Variants in RARRES1 observed in about 807,000 individuals in gnomAD.
RARRES1 encodes retinoic acid receptor responder protein 1.
Under a neutral mutation model 30.6 loss-of-function variants are expected in RARRES1, and 34 were observed. That is an observed-to-expected ratio of 1.11 (90% CI 0.84 to 1.48). The LOEUF (loss-of-function observed/expected upper bound fraction) is 1.48. Among genes scored for constraint, RARRES1 ranks in the 40% most tolerant of loss-of-function variants. The probability of loss-of-function intolerance (pLI) is 0.00; values close to 1 mark genes in which losing one functional copy is unlikely to be tolerated. For synonymous variants in RARRES1, 153 were observed against 155.5 expected (o/e 0.98, Z 0.12); for missense variants, 373 against 386.5 (o/e 0.97, Z 0.29).
At chr3:158,712,717 C>G (rs955932704) in intron 2 of RARRES1, among the ~76,000 whole-genome samples, 9 of 152,082 alleles carry the variant, frequency 5.9e-5, no homozygotes, top group Admixed American at 2.6e-4. Context: ...TTTCATTTCC[C>G]CCTCAAAACA....
At chr3:158,699,438 C>CCG (rs1559866926) in intron 4 of RARRES1, among the ~76,000 whole-genome samples, 1 of 150,210 alleles carries the variant, frequency 6.7e-6, no homozygotes, top group Non-Finnish European at 1.5e-5. Context: ...AAAGCAACCC[C>CCG]CCCCCCACCA....
chr3:158,718,551 G>A (rs1727398780), intron 1 of RARRES1, among the ~76,000 whole-genome samples: 1 of 152,222 alleles, frequency 6.6e-6, no homozygotes, highest in Non-Finnish European at 1.5e-5. Context: ...GGGGTTTGGG[G>A]CTTTACGACT....
chr3:158,721,354 C>A (rs1727504731), intron 1 of RARRES1, among the ~76,000 whole-genome samples: 1 of 151,310 alleles, frequency 6.6e-6, no homozygotes, highest in Admixed American at 6.6e-5. Context: ...TAAGACCCAG[C>A]ATGCTGGATC....
intron 1 of RARRES1, among the ~76,000 whole-genome samples, chr3:158,730,402 TC>T (rs1727841208): frequency 2.9e-5 from 3 of 102,328 alleles, no homozygotes; most frequent in Non-Finnish European, 6.4e-5. Context: ...CTTCCTTCCT[TC>T]CTTCCTTCCT....
intron 4 of RARRES1, among the ~76,000 whole-genome samples, chr3:158,702,615 A>C (rs1391914758): frequency 6.6e-6 from 1 of 152,174 alleles, no homozygotes; most frequent in Non-Finnish European, 1.5e-5. Flanking sequence ...CATTTACTAC[A>C]ATTAGTTCTA....
chr3:158,722,483 A>T (rs1317434348), intron 1 of RARRES1, among the ~76,000 whole-genome samples: 3 of 152,218 alleles, frequency 2.0e-5, no homozygotes, highest in Non-Finnish European at 4.4e-5. Flanking sequence ...TATTTGAAAG[A>T]TTGGGTAAAG....
At chr3:158,712,186 A>C (rs892510943) in intron 2 of RARRES1, among the ~76,000 whole-genome samples, 111 of 152,300 alleles carry the variant, frequency 7.3e-4, no homozygotes, top group Admixed American at 2.3e-3. Flanking sequence ...TGCATAGTTG[A>C]GGTGATAATC....
intron 3 of RARRES1, among the ~76,000 whole-genome samples, chr3:158,708,850 G>A (rs150224738): frequency 0.019 from 2,879 of 152,114 alleles, 94 homozygotes; most frequent in African/African-American, 0.066. Context: ...GTAGAGATGG[G>A]GTTTCACCGT....
Position 158,704,858 on chromosome 3 carries a change from A to G in RARRES1, c.605T>C (p.Val202Ala), listed in dbSNP as rs772825671. ...CACCTGTGTTGTCATTTCCCACATC[A>G]CGTAAGAGCTTCCAAGGAAAGCCAA... ...WDLAFLGSSY[V>A]MWEMTTQVSH... Residue 202 changes from valine to alanine, a missense_variant, in exon 4 of 6, where the codon GTG (valine) becomes GCG (alanine). Coordinates refer to ENST00000237696, the MANE Select transcript of RARRES1 (RefSeq NM_206963.2). 1 of 1,613,978 alleles carries G rather than the reference A, an allele frequency of 6.2e-7. No individual in the cohort carries two copies. Among genetic ancestry groups the G allele is most frequent in the African/African-American group, 1.3e-5 (1 of 74,924 alleles).
intron 1 of RARRES1, among the ~76,000 whole-genome samples, chr3:158,729,889 C>A (rs187853205): frequency 6.6e-6 from 1 of 152,172 alleles, no homozygotes; most frequent in Non-Finnish European, 1.5e-5. Context: ...AATCCTTAGA[C>A]GCCCCTTCTT....
chr3:158,713,058 G>A (rs377591519), intron 2 of RARRES1, among the ~76,000 whole-genome samples: 2 of 152,148 alleles, frequency 1.3e-5, no homozygotes, highest in East Asian at 3.9e-4. Context: ...GGTTGGGGGA[G>A]TCATGCCTTC....
intron 2 of RARRES1, among the ~76,000 whole-genome samples, chr3:158,712,415 TA>T (rs978287685): frequency 3.2e-4 from 48 of 151,990 alleles, no homozygotes; most frequent in Non-Finnish European, 5.7e-4. Flanking sequence ...AAATTAAAAA[TA>T]AAAAAATTGG....
At chr3:158,726,145 T>C (rs1006185852) in intron 1 of RARRES1, among the ~76,000 whole-genome samples, 1 of 152,260 alleles carries the variant, frequency 6.6e-6, no homozygotes, top group African/African-American at 2.4e-5. Context: ...TTATTACTTA[T>C]CTTCTCCCTC....
intron 3 of RARRES1, among the ~76,000 whole-genome samples, chr3:158,708,560 C>T (rs1177700108): frequency 1.3e-5 from 2 of 152,140 alleles, no homozygotes; most frequent in Non-Finnish European, 2.9e-5. Context: ...GGGGAAAAAA[C>T]AATGTGGAGC....
rs140860553 is a variant in RARRES1 at position 158,697,445 on chromosome 3, G to A, written c.*233C>T. 14 of 387,832 alleles carry A rather than the reference G, an allele frequency of 3.6e-5. No individual in the cohort carries two copies. The highest frequency in any genetic ancestry group is 2.1e-4 in the African/African-American group (10 of 48,244). The allele number at this position is 387,832 out of a possible 1,614,324, so 24.0% of individuals were successfully genotyped here. On this transcript the variant is annotated 3_prime_UTR_variant, in exon 6 of 6. Transcript: ENST00000237696. ...TTAGGGCTGAAACCCTGAGGAACCT[G>A]CTGGTGACTGTTTAGCACTGAGCAG...
intron 1 of RARRES1, among the ~76,000 whole-genome samples, chr3:158,725,418 T>C (rs1490593927): frequency 6.6e-6 from 1 of 152,212 alleles, no homozygotes; most frequent in East Asian, 1.9e-4. Context: ...TGTCAGTCGT[T>C]GTGGGCTGAT....
intron 1 of RARRES1, among the ~76,000 whole-genome samples, chr3:158,725,950 T>C (rs749318388): frequency 2.6e-5 from 4 of 152,224 alleles, no homozygotes; most frequent in Non-Finnish European, 5.9e-5. Flanking sequence ...AGAATTGTTA[T>C]GTTTCATCCT....
intron 3 of RARRES1, among the ~76,000 whole-genome samples, chr3:158,710,491 A>G (rs1727084219): frequency 1.3e-5 from 2 of 152,286 alleles, no homozygotes; most frequent in South Asian, 4.1e-4. Flanking sequence ...TACAGGCATG[A>G]GCCACCGCGC....
chr3:158,716,565 A>G lies in RARRES1; in HGVS notation c.277-2706T>C, dbSNP rs1050919318. Among the ~76,000 whole-genome samples the G allele has an allele frequency of 8.7e-5, 13 of 148,674 alleles. No homozygotes were observed. The East Asian group carries it at 2.6e-3, about 30-fold the overall frequency. ...GTTATTTTCTTTGCTGATTTGATTT[A>G]TTTTGTTTTAAGGAAGCACTCTTTT... On this transcript the variant is annotated intron_variant, in intron 1 of 5. Transcript: ENST00000237696.
Sources: allele counts gnomAD v4.1 joint callset (sites outside exome capture counted in the v4.1 genomes callset), GRCh38; gene constraint gnomAD v4.1.1; transcripts MANE v1.5; gene names NCBI Gene and HGNC (gene_info 2026-07-23, HGNC 2026-07-21).